Variants in DIAPH3 observed in about 807,000 individuals in gnomAD.
DIAPH3 encodes protein diaphanous homolog 3.
A neutral mutation model predicts 144.3 loss-of-function variants in DIAPH3; 117 were observed. The observed-to-expected ratio is 0.81, with a 90% CI of 0.70 to 0.95. The LOEUF is 0.95. Among genes scored for constraint, DIAPH3 ranks in the 40% least tolerant of loss-of-function variants. The pLI is 0.00. For synonymous variants in DIAPH3, 519 were observed against 488.9 expected (o/e 1.06, Z -0.81); for missense variants, 1,421 against 1,412.7 (o/e 1.01, Z -0.09).
chr13:59,778,038 C>T (rs1469560636), intron 25 of DIAPH3, among the ~76,000 whole-genome samples: 1 of 152,166 alleles, frequency 6.6e-6, no homozygotes. Flanking sequence ...CTAGAATAAT[C>T]TCATTGTTCT....
intron 27 of DIAPH3, among the ~76,000 whole-genome samples, chr13:59,703,379 C>G (rs764320069): frequency 6.6e-6 from 1 of 152,304 alleles, no homozygotes; most frequent in Admixed American, 6.5e-5. Context: ...AGGAGTCTAT[C>G]GGACAATGCA....
intron 24 of DIAPH3, among the ~76,000 whole-genome samples, chr13:59,821,216 T>G (rs2139635893): frequency 6.6e-6 from 1 of 152,158 alleles, no homozygotes; most frequent in African/African-American, 2.4e-5. Flanking sequence ...CTCCATGTTT[T>G]CCAGGGGAAT....
At chr13:59,783,248 A>C (rs341568) in intron 25 of DIAPH3, among the ~76,000 whole-genome samples, 100,906 of 151,906 alleles carry the variant, frequency 0.66, 33,899 homozygotes, top group East Asian at 0.72. Flanking sequence ...AAATCTTGGT[A>C]TCCGTGGTTG....
intron 23 of DIAPH3, among the ~76,000 whole-genome samples, chr13:59,835,528 G>C (rs958759815): frequency 2.0e-5 from 3 of 151,780 alleles, no homozygotes; most frequent in African/African-American, 4.8e-5. Context: ...AAAATGAAAA[G>C]ATTATTATAA....
chr13:59,995,766 G>A (rs180973158), intron 9 of DIAPH3, among the ~76,000 whole-genome samples: 6 of 152,028 alleles, frequency 3.9e-5, no homozygotes, highest in African/African-American at 9.6e-5. Flanking sequence ...ATGCCTATTA[G>A]TGATCTAAAT....
Position 59,932,020 on chromosome 13 carries a change from A to T in DIAPH3, c.2075-7150T>A, listed in dbSNP as rs17667743. On this transcript the variant is annotated intron_variant, in intron 17 of 27. Transcript: ENST00000400324. Reference sequence around the variant, plus strand: ...CATCTCCTTATTCCCAGAATTTAAAACTTGTTTCTGGTCTTGTTGTATTAG... The same window carrying T: ...CATCTCCTTATTCCCAGAATTTAAATCTTGTTTCTGGTCTTGTTGTATTAG... Among the ~76,000 whole-genome samples the T allele has an allele frequency of 2.6e-4, 40 of 151,966 alleles. 1 individual carries two copies. The highest frequency in any genetic ancestry group is 3.4e-3 in the Middle Eastern group (1 of 292).
At chr13:59,893,677 G>GA (rs2045935836) in intron 20 of DIAPH3, among the ~76,000 whole-genome samples, 1 of 151,800 alleles carries the variant, frequency 6.6e-6, no homozygotes, top group South Asian at 2.1e-4. Context: ...TGTGACACAG[G>GA]AAAAAGCCCT....
intron 24 of DIAPH3, among the ~76,000 whole-genome samples, chr13:59,831,109 G>A (rs923788156): frequency 6.6e-6 from 1 of 151,804 alleles, no homozygotes; most frequent in African/African-American, 2.4e-5. Flanking sequence ...TTCTTTATCT[G>A]CCATAGAAGA....
At chr13:59,995,304 C>T (rs1026020172) in intron 9 of DIAPH3, among the ~76,000 whole-genome samples, 1 of 151,876 alleles carries the variant, frequency 6.6e-6, no homozygotes, top group African/African-American at 2.4e-5. Flanking sequence ...TCTCTGTGCT[C>T]TAGTTGATGT....
chr13:59,817,987 C>T (rs1228971283), intron 24 of DIAPH3, among the ~76,000 whole-genome samples: 2 of 151,848 alleles, frequency 1.3e-5, no homozygotes, highest in South Asian at 2.1e-4. Flanking sequence ...CCTATGGCTT[C>T]CTGTCTCTCA....
At chr13:59,732,028 A>C (rs1223308897) in intron 27 of DIAPH3, among the ~76,000 whole-genome samples, 3 of 152,184 alleles carry the variant, frequency 2.0e-5, no homozygotes, top group Non-Finnish European at 4.4e-5. Context: ...ATTAGATTAG[A>C]ACAACATCAG....
chr13:59,948,686 C>G (rs2048926321), intron 17 of DIAPH3, among the ~76,000 whole-genome samples: 1 of 152,098 alleles, frequency 6.6e-6, no homozygotes, highest in Admixed American at 6.6e-5. Flanking sequence ...GTCTTAAACT[C>G]CTGGTCTCAA....
chr13:60,000,819 A>T (rs2052478330), intron 9 of DIAPH3, among the ~76,000 whole-genome samples: 1 of 152,194 alleles, frequency 6.6e-6, no homozygotes, highest in South Asian at 2.1e-4. Flanking sequence ...TTATTCAGTA[A>T]CTAACATAGG....
intron 24 of DIAPH3, among the ~76,000 whole-genome samples, chr13:59,822,900 T>A (rs1265237915): frequency 6.6e-6 from 1 of 151,472 alleles, no homozygotes. Context: ...AACATACCAT[T>A]TTATTCATTT....
chr13:60,041,786 G>A (rs1050101869), intron 5 of DIAPH3, among the ~76,000 whole-genome samples: 1 of 151,934 alleles, frequency 6.6e-6, no homozygotes, highest in Non-Finnish European at 1.5e-5. Flanking sequence ...AATCCTTGTA[G>A]CTCTGAAATT....
rs140249019 is a variant in DIAPH3, at chr13:60,111,437, G to C, written c.390+573C>G. 3.8e-3 allele frequency among the ~76,000 whole-genome samples: 578 copies of C among 152,284 alleles called. 2 individuals carry two copies. The highest frequency in any genetic ancestry group is 0.012 in the African/African-American group (480 of 41,550). ...ACATGGACTGGACTCAGACCACTTA[G>C]ATCAGGGGTCCCCAACCCCGTTAGC... On this transcript the variant is annotated intron_variant, in intron 3 of 27. Coordinates refer to ENST00000400324, the MANE Select transcript of DIAPH3 (RefSeq NM_001042517.2).
At chr13:59,924,361 T>C (rs528920559) in intron 18 of DIAPH3, among the ~76,000 whole-genome samples, 30 of 152,282 alleles carry the variant, frequency 2.0e-4, no homozygotes, top group African/African-American at 7.0e-4. Context: ...TCCGTTAATA[T>C]TATAACCTCC....
chr13:59,818,081 T>G (rs1445758783), intron 24 of DIAPH3, among the ~76,000 whole-genome samples: 1 of 151,992 alleles, frequency 6.6e-6, no homozygotes, highest in Non-Finnish European at 1.5e-5. Flanking sequence ...ACGTATTTTG[T>G]AAACAAAGTT....
At chr13:59,963,637 G>T (rs187388253) in intron 17 of DIAPH3, among the ~76,000 whole-genome samples, 2 of 151,690 alleles carry the variant, frequency 1.3e-5, no homozygotes, top group Non-Finnish European at 2.9e-5. Flanking sequence ...TATGTAATGG[G>T]GGGGAGGGGA....
Sources: gnomAD v4.1 joint callset for allele counts (sites outside exome capture counted in the v4.1 genomes callset) on GRCh38, gnomAD v4.1.1 for gene constraint, MANE v1.5 for transcripts, NCBI Gene and HGNC (gene_info 2026-07-23, HGNC 2026-07-21) for gene names.